Variants in IQSEC2 observed in about 807,000 individuals in gnomAD.
The protein encoded by IQSEC2 is IQ motif and Sec7 domain ArfGEF 2, also known as IQ motif and SEC7 domain-containing protein 2.
In IQSEC2, 6 loss-of-function variants were observed where a neutral mutation model predicts 74.6. That is an observed-to-expected ratio of 0.08 (90% CI 0.04 to 0.16). The LOEUF is 0.16. Among genes scored for constraint, IQSEC2 ranks in the 10% least tolerant of loss-of-function variants. The pLI is 1.00. For synonymous variants in IQSEC2, 494 were observed against 544.5 expected, an observed-to-expected ratio of 0.91 and a Z score of 1.29; for missense variants, 734 against 1,306.2, an observed-to-expected ratio of 0.56 and a Z score of 6.75.
At position 53,234,801 on chromosome X, in the gene IQSEC2, C is replaced by T; in HGVS notation, c.3885G>A (p.Gln1295=). 2.1e-6 allele frequency: 1 copy of T among 471,508 alleles called. No individual in the cohort carries two copies. 38.9% of individuals were successfully genotyped at this position (471,508 alleles called of 1,213,427 possible). A position where few individuals can be genotyped will look rare whatever the true frequency, so the allele number is the denominator to read the frequency against. The change falls in exon 15 of 15, where the codon CAG becomes CAA. Residue 1295 remains glutamine, a synonymous_variant. Coordinates refer to ENST00000642864, the MANE Select transcript of IQSEC2 (RefSeq NM_001111125.3). ...PQQPSLPPPP[Q]QPPPLPQLGS... is the part of the protein sequence containing the mutation. ...CCAGCTGGGGCAAGGGTGGGGGCTG[C>T]TGGGGAGGTGGGGGAAGAGAGGGCT...
intron 11 of IQSEC2, among the ~76,000 whole-genome samples, chrX:53,238,597 C>T (rs1482715299): frequency 2.7e-5 from 3 of 109,225 alleles, no homozygotes; most frequent in Admixed American, 9.9e-5. Context: ...AGGCTGGTTT[C>T]GAATTCCTGG....
At chrX:53,319,710 C>G (rs1292789240) in intron 1 of IQSEC2, among the ~76,000 whole-genome samples, 1 of 111,775 alleles carries the variant, frequency 8.9e-6, no homozygotes, top group South Asian at 3.7e-4. Context: ...GAACTGGAAC[C>G]GATCCAGCAG....
In IQSEC2 at chrX:53,243,320, C is replaced by G. The variant is rs2074253135; in HGVS notation, c.2889+12G>C. On this transcript the variant is annotated intron_variant, in intron 9 of 14. Transcript: ENST00000642864. ...GAACCCTGGCCCCTCTGCAGCCTCC[C>G]AAGGCACTTACTGGTTTCTTTCCAA... The G allele has an allele frequency of 8.6e-7, 1 of 1,161,792 alleles. No individual in the cohort carries two copies. The highest frequency in any genetic ancestry group is 2.6e-5 in the Admixed American group (1 of 38,417).
At chrX:53,228,494 C>G (rs1412876194), downstream of IQSEC2, among the ~76,000 whole-genome samples, 1 of 111,776 alleles carries the variant, frequency 8.9e-6, no homozygotes, top group Non-Finnish European at 1.9e-5. Flanking sequence ...CACCCATCCA[C>G]CCGGGAGACA....
chrX:53,243,913 A>G (rs1260911342), intron 8 of IQSEC2, among the ~76,000 whole-genome samples: 2 of 112,011 alleles, frequency 1.8e-5, no homozygotes, highest in African/African-American at 3.2e-5. Flanking sequence ...TATGTGCAAG[A>G]GGTATGTGCA....
downstream of IQSEC2, chrX:53,227,417 T>C (rs190703954): frequency 8.2e-5 from 22 of 267,671 alleles, no homozygotes; most frequent in African/African-American, 5.6e-4. Context: ...AGGAAGTTGC[T>C]GACTCTGGTC....
At chrX:53,283,148 G>A (rs1325589761) in intron 2 of IQSEC2, among the ~76,000 whole-genome samples, 2 of 112,446 alleles carry the variant, frequency 1.8e-5, no homozygotes, top group African/African-American at 6.5e-5. Context: ...CCCCAGAGGC[G>A]GAGGTTGCAG....
intron 2 of IQSEC2, chrX:53,267,036 C>G (rs1434133796): frequency 8.7e-7 from 1 of 1,154,183 alleles, no homozygotes; most frequent in Non-Finnish European, 1.1e-6. Context: ...TCTTCCTCTT[C>G]CTCAGTCTCC....
chrX:53,235,649 T>C, intron 14 of IQSEC2, 134 bp downstream of exon 14: 1 of 589,319 alleles, frequency 1.7e-6, no homozygotes, highest in Non-Finnish European at 2.8e-6. Context: ...ATGGAGAGAG[T>C]GGTTGGCTGG....
intron 1 of IQSEC2, among the ~76,000 whole-genome samples, chrX:53,307,850 G>A (rs1417233684): frequency 1.0e-5 from 1 of 95,348 alleles, no homozygotes; most frequent in Non-Finnish European, 2.0e-5. Context: ...TTGAGCCACT[G>A]CACTCCACCC....
At chrX:53,285,109 C>G (rs1430680994) in intron 2 of IQSEC2, among the ~76,000 whole-genome samples, 1 of 112,356 alleles carries the variant, frequency 8.9e-6, no homozygotes, top group Non-Finnish European at 1.9e-5. Context: ...CTTCACTTCA[C>G]TTTGCCCCAC....
chrX:53,267,003 A>G, intron 2 of IQSEC2: 1 of 1,154,744 alleles, frequency 8.7e-7, no homozygotes, highest in Non-Finnish European at 1.1e-6. Flanking sequence ...GAGGCCGGAC[A>G]GCAGAACTGG....
chrX:53,288,028 C>T (rs1216945760), intron 2 of IQSEC2, among the ~76,000 whole-genome samples: 1 of 111,696 alleles, frequency 9.0e-6, no homozygotes. Flanking sequence ...GCAGCAACCC[C>T]AGACTGTGAA....
rs370573314 is a variant in IQSEC2 at position 53,320,506 on chromosome X, G to A, written c.618C>T (p.Ser206=). 2.8e-5 allele frequency: 33 copies of A among 1,160,695 alleles called. No individual in the cohort carries two copies. The highest frequency in any genetic ancestry group is 2.3e-4 in the East Asian group (7 of 30,097). Residue 206 remains serine (S), a synonymous_variant, in exon 1 of 15, where the codon AGC becomes AGT. Transcript: ENST00000642864. ...PRPPRERGQL[S]RGASRSSSPG... ...GACTGGAGCTCCTGGATGCGCCACGGCTCAGCTGGCCCCGCTCCCGCGGTG... is the reference window on the plus strand; with the variant it reads ...GACTGGAGCTCCTGGATGCGCCACGACTCAGCTGGCCCCGCTCCCGCGGTG...
At chrX:53,279,419 G>C in intron 2 of IQSEC2, 1 of 436,798 alleles carries the variant, frequency 2.3e-6, no homozygotes, top group East Asian at 3.6e-5. Context: ...CTGCTGACCT[G>C]ATCTTCCAGG....
At chrX:53,246,856 G>T in intron 8 of IQSEC2, 113 bp downstream of exon 8, 1 of 681,576 alleles carries the variant, frequency 1.5e-6, no homozygotes, top group Non-Finnish European at 2.3e-6. Context: ...GGCAGAAAGT[G>T]ACAGCATCAC....
chrX:53,268,178 T>A (rs1313758506), intron 2 of IQSEC2, among the ~76,000 whole-genome samples: 1 of 111,293 alleles, frequency 9.0e-6, no homozygotes, highest in Non-Finnish European at 1.9e-5. Flanking sequence ...AGGAAACAGT[T>A]ACCCTCATTC....
intron 1 of IQSEC2, among the ~76,000 whole-genome samples, chrX:53,294,691 A>G (rs2075133854): frequency 8.9e-6 from 1 of 111,894 alleles, no homozygotes; most frequent in Non-Finnish European, 1.9e-5. Flanking sequence ...TCTTTTATCA[A>G]CTAGATTCTG....
At chrX:53,252,800 T>G (rs1041310293) in intron 4 of IQSEC2, among the ~76,000 whole-genome samples, 4 of 112,025 alleles carry the variant, frequency 3.6e-5, no homozygotes, top group African/African-American at 9.7e-5. Context: ...GCTACCAAAT[T>G]TGGGGGTAAT....
Sources: gnomAD v4.1 joint callset for allele counts (sites outside exome capture counted in the v4.1 genomes callset) on GRCh38, gnomAD v4.1.1 for gene constraint, MANE v1.5 for transcripts, NCBI Gene and HGNC (gene_info 2026-07-23, HGNC 2026-07-21) for gene names.